TBC1D5: variants seen among roughly 807,000 people sequenced by gnomAD.
TBC1D5 encodes the protein TBC1 domain family, member 5.
TBC1D5 carries 75 observed loss-of-function variants against 100.3 expected under a neutral mutation model. The observed-to-expected ratio is 0.75, with a 90% confidence interval of 0.62 to 0.91. The LOEUF is 0.91. TBC1D5 is among the 40% of genes least tolerant of loss of function. The pLI is 0.00. For synonymous variants in TBC1D5, 323 were observed against 325.6 expected (o/e 0.99, Z 0.09); for missense variants, 910 against 942.4 (o/e 0.97, Z 0.45).
Position 17,238,528 on chromosome 3 carries a change from A to ACC in TBC1D5, c.1332-110_1332-109insGG, listed in dbSNP as rs2076059099. 8 of 1,268,702 alleles carry ACC rather than the reference A, an allele frequency of 6.3e-6. No homozygotes were observed. The Middle Eastern group carries it at 7.7e-4, about 122-fold the overall frequency. The allele number at this position is 1,268,702 out of a possible 1,614,324, so 78.6% of individuals were successfully genotyped here. A position where few individuals can be genotyped will look rare whatever the true frequency, so the allele number is the denominator to read the frequency against. ...TTGTCTGCTTTGAAAAAGGTCATTT[A>ACC]CTAGACCAGCTATATAAAGTGAGAA... On this transcript the variant is annotated intron_variant, in intron 16 of 21. Coordinates refer to ENST00000253692, the Ensembl canonical transcript of TBC1D5.
intron 15 of TBC1D5, among the ~76,000 whole-genome samples, chr3:17,262,657 A>G (rs1274453284): frequency 2.0e-5 from 3 of 151,324 alleles, no homozygotes; most frequent in African/African-American, 7.3e-5. Flanking sequence ...AATTTTTTGT[A>G]TTTTTAGTAG....
At chr3:17,372,496 A>C (rs2092515580) in intron 12 of TBC1D5, among the ~76,000 whole-genome samples, 2 of 152,202 alleles carry the variant, frequency 1.3e-5, no homozygotes, top group African/African-American at 4.8e-5. Flanking sequence ...TTCAAAAGTC[A>C]CATCTATTAT....
chr3:17,444,750 TGTTA>T (rs1217654461), intron 3 of TBC1D5, among the ~76,000 whole-genome samples: 1 of 152,120 alleles, frequency 6.6e-6, no homozygotes, highest in East Asian at 1.9e-4. Flanking sequence ...ATTCTTCCAT[TGTTA>T]GTATTTTAAC....
intron 13 of TBC1D5, among the ~76,000 whole-genome samples, chr3:17,332,093 G>A (rs1255530493): frequency 6.6e-6 from 1 of 152,188 alleles, no homozygotes; most frequent in Non-Finnish European, 1.5e-5. Flanking sequence ...AAGGAGACTA[G>A]GATGAAAACA....
At chr3:17,699,730 T>C (rs1052976410) in intron 1 of TBC1D5, among the ~76,000 whole-genome samples, 2 of 150,998 alleles carry the variant, frequency 1.3e-5, no homozygotes, top group African/African-American at 4.9e-5. Flanking sequence ...TCCAATAATA[T>C]TGTAAAAGTT....
chr3:17,699,107 G>A (rs1230072119), intron 1 of TBC1D5, among the ~76,000 whole-genome samples: 7 of 148,278 alleles, frequency 4.7e-5, no homozygotes, highest in South Asian at 2.2e-4. Flanking sequence ...TGTTTATTGC[G>A]GCATTATTCA....
At chr3:17,437,282 CT>C (rs1220965728) in intron 3 of TBC1D5, among the ~76,000 whole-genome samples, 1 of 152,062 alleles carries the variant, frequency 6.6e-6, no homozygotes, top group Non-Finnish European at 1.5e-5. Context: ...TGATATTCTG[CT>C]ATGATAACAC....
At chr3:17,637,798 C>T (rs867850399) in intron 1 of TBC1D5, among the ~76,000 whole-genome samples, 1 of 152,150 alleles carries the variant, frequency 6.6e-6, no homozygotes, top group African/African-American at 2.4e-5. Flanking sequence ...GAGCATCTTA[C>T]TGAGCGGTAA....
At chr3:17,594,957 G>T (rs1471455435) in intron 2 of TBC1D5, among the ~76,000 whole-genome samples, 1 of 152,124 alleles carries the variant, frequency 6.6e-6, no homozygotes, top group Non-Finnish European at 1.5e-5. Context: ...TGAGGCAGTG[G>T]GCTGGGAAAG....
intron 15 of TBC1D5, among the ~76,000 whole-genome samples, chr3:17,265,042 CAT>C (rs1297009963): frequency 1.8e-4 from 27 of 152,096 alleles, no homozygotes; most frequent in African/African-American, 6.5e-4. Context: ...TGCTGGATCT[CAT>C]GTGAGGAGAG....
chr3:17,468,008 A>G (rs1425619411), intron 3 of TBC1D5, among the ~76,000 whole-genome samples: 1 of 152,232 alleles, frequency 6.6e-6, no homozygotes, highest in Non-Finnish European at 1.5e-5. Context: ...TAAAGAAAGA[A>G]TAACGTTAAA....
At chr3:17,600,096 A>G (rs2060830243) in intron 2 of TBC1D5, among the ~76,000 whole-genome samples, 1 of 152,250 alleles carries the variant, frequency 6.6e-6, no homozygotes. Context: ...TTCCACAGGT[A>G]TTTTGAGATT....
Position 17,166,618 on chromosome 3 carries a change from C to G in TBC1D5, c.2094+149G>C, listed in dbSNP as rs970282260. 6.6e-6 allele frequency: 7 copies of G among 1,057,268 alleles called. No homozygotes were observed. The African/African-American group carries it at 9.6e-5, about 14-fold the overall frequency. 65.5% of individuals were successfully genotyped at this position (1,057,268 alleles called of 1,614,324 possible). On this transcript the variant is annotated intron_variant, in intron 21 of 21. Coordinates refer to ENST00000253692, the Ensembl canonical transcript of TBC1D5. ...ACCCCCTGCAGCACAGAGTGCACAG[C>G]CTGCACAGCTGTACACAGCACCTCC... is the stretch of plus-strand genomic sequence containing the variant.
chr3:17,493,487 G>C (rs955982635), intron 3 of TBC1D5, among the ~76,000 whole-genome samples: 1 of 152,148 alleles, frequency 6.6e-6, no homozygotes, highest in Non-Finnish European at 1.5e-5. Context: ...CTAGGTTGGG[G>C]AAGTTCTCCT....
At chr3:17,400,743 G>A (rs1229847325) in intron 8 of TBC1D5, among the ~76,000 whole-genome samples, 1 of 152,102 alleles carries the variant, frequency 6.6e-6, no homozygotes, top group Non-Finnish European at 1.5e-5. Context: ...GAATAAAGCA[G>A]GCAGAAGAAG....
intron 2 of TBC1D5, among the ~76,000 whole-genome samples, chr3:17,568,971 C>G (rs1400304278): frequency 1.3e-5 from 2 of 151,788 alleles, no homozygotes; most frequent in Non-Finnish European, 3.0e-5. Flanking sequence ...TGCTTTTACT[C>G]TTCATTAATT....
At chr3:17,623,539 A>C (rs1316929690) in intron 2 of TBC1D5, among the ~76,000 whole-genome samples, 2 of 152,208 alleles carry the variant, frequency 1.3e-5, no homozygotes, top group Non-Finnish European at 2.9e-5. Context: ...AAGTACAATT[A>C]TCTAAAATCA....
At chr3:17,547,492 T>A (rs1463047835) in intron 2 of TBC1D5, among the ~76,000 whole-genome samples, 1 of 152,202 alleles carries the variant, frequency 6.6e-6, no homozygotes, top group African/African-American at 2.4e-5. Context: ...ACATTTAAAA[T>A]TTTACCAGCA....
At chr3:17,315,898 G>A (rs973172658) in intron 13 of TBC1D5, among the ~76,000 whole-genome samples, 1 of 152,150 alleles carries the variant, frequency 6.6e-6, no homozygotes, top group African/African-American at 2.4e-5. Context: ...CTGTAGGCAT[G>A]GCAGAGGGCT....
Sources: gnomAD v4.1 joint callset for allele counts (sites outside exome capture counted in the v4.1 genomes callset) on GRCh38, gnomAD v4.1.1 for gene constraint, MANE v1.5 for transcripts, NCBI Gene and HGNC (gene_info 2026-07-23, HGNC 2026-07-21) for gene names.